CHRM5: variants seen among roughly 807,000 people sequenced by gnomAD.
CHRM5 encodes the protein cholinergic receptor muscarinic 5.
In CHRM5, 18 loss-of-function variants were observed where a neutral mutation model predicts 39.0. The observed-to-expected ratio is 0.46, with a 90% CI of 0.32 to 0.68. The LOEUF is 0.68. CHRM5 is among the 30% of genes least tolerant of loss of function. The probability of loss-of-function intolerance (pLI) is 0.04; values close to 1 mark genes in which losing one functional copy is unlikely to be tolerated. For missense variants in CHRM5, 515 were observed against 651.1 expected (o/e 0.79, Z 2.28); for synonymous variants, 241 against 246.3 (o/e 0.98, Z 0.20).
chr15:34,013,177 T>TGAGAC (rs1897710583), intron 1 of CHRM5, among the ~76,000 whole-genome samples: 2 of 152,100 alleles, frequency 1.3e-5, no homozygotes, highest in African/African-American at 2.4e-5. Context: ...TTCTCATGTC[T>TGAGAC]CAGCCTCCTG....
At chr15:33,977,031 C>T (rs1470172690) in intron 1 of CHRM5, among the ~76,000 whole-genome samples, 1 of 152,056 alleles carries the variant, frequency 6.6e-6, no homozygotes, top group Non-Finnish European at 1.5e-5. Flanking sequence ...GTCACAATGG[C>T]ATGAATTAGT....
At chr15:34,024,190 A>G (rs1488769491) in intron 1 of CHRM5, among the ~76,000 whole-genome samples, 1 of 152,208 alleles carries the variant, frequency 6.6e-6, no homozygotes, top group Non-Finnish European at 1.5e-5. Context: ...GACCAATTCC[A>G]TGCACCCATG....
chr15:33,994,200 T>C (rs1896844299), intron 1 of CHRM5, among the ~76,000 whole-genome samples: 1 of 152,220 alleles, frequency 6.6e-6, no homozygotes, highest in South Asian at 2.1e-4. Context: ...CATTAGTGCC[T>C]GAGCGCCACC....
Position 34,047,599 on chromosome 15 carries a change from C to T in CHRM5, c.-76+728C>T, listed in dbSNP as rs534483972. 8.5e-5 allele frequency among the ~76,000 whole-genome samples: 13 copies of T among 152,204 alleles called. No homozygotes were observed. In the East Asian group the frequency reaches 2.5e-3, roughly 29 times the overall value. Reference sequence around the variant, plus strand: ...GCCTGAGAGAGAATTGAGCTCCCAGCGGGAGGATGACTGTTACCTCTGTGG... The same window carrying T: ...GCCTGAGAGAGAATTGAGCTCCCAGTGGGAGGATGACTGTTACCTCTGTGG... On this transcript the variant is annotated intron_variant, in intron 2 of 2. Transcript: ENST00000383263.
chr15:34,053,551 C>T (rs1443734888), intron 2 of CHRM5, among the ~76,000 whole-genome samples: 3 of 151,712 alleles, frequency 2.0e-5, no homozygotes, highest in Non-Finnish European at 4.4e-5. Flanking sequence ...TGATCTTTGA[C>T]AAACCTAACA....
At chr15:33,974,739 G>A (rs781444254) in intron 1 of CHRM5, among the ~76,000 whole-genome samples, 3 of 152,200 alleles carry the variant, frequency 2.0e-5, no homozygotes, top group Non-Finnish European at 4.4e-5. Flanking sequence ...TTGGGAGGCC[G>A]AGGCAGGTGG....
chr15:34,037,605 A>G (rs1439211136), intron 1 of CHRM5, among the ~76,000 whole-genome samples: 1 of 150,546 alleles, frequency 6.6e-6, no homozygotes, highest in Non-Finnish European at 1.5e-5. Context: ...AGTGGGCACT[A>G]GGTTGGTCTT....
chr15:34,010,637 A>G (rs951671416), intron 1 of CHRM5, among the ~76,000 whole-genome samples: 1 of 152,238 alleles, frequency 6.6e-6, no homozygotes, highest in Non-Finnish European at 1.5e-5. Flanking sequence ...ATTATATCAT[A>G]GAGGTGAATA....
chr15:34,008,224 C>T (rs977501366), intron 1 of CHRM5, among the ~76,000 whole-genome samples: 1 of 151,834 alleles, frequency 6.6e-6, no homozygotes, highest in African/African-American at 2.4e-5. Flanking sequence ...AGTTCAAGAC[C>T]AGCCTAGGCA....
chr15:34,010,061 A>C lies in CHRM5; in HGVS notation c.-407-36479A>C, dbSNP rs1395043500. On this transcript the variant is annotated intron_variant, in intron 1 of 2. Coordinates refer to ENST00000383263, the MANE Select transcript of CHRM5 (RefSeq NM_012125.4). ...ATGAAGCAAAAACTGACAGAATAGA[A>C]GGGAGAATAGAAAGTTTAACAATAA... Among the ~76,000 whole-genome samples, 3 of 152,302 alleles carry C rather than the reference A, an allele frequency of 2.0e-5. No individual in the cohort carries two copies. The East Asian group carries it at 5.8e-4, about 29-fold the overall frequency.
intron 1 of CHRM5, among the ~76,000 whole-genome samples, chr15:33,971,257 T>C (rs934989889): frequency 6.6e-6 from 1 of 152,076 alleles, no homozygotes; most frequent in Admixed American, 6.6e-5. Flanking sequence ...TACTTGTTTC[T>C]GCAATTTAGA....
intron 1 of CHRM5, among the ~76,000 whole-genome samples, chr15:33,989,450 TA>T (rs568555472): frequency 0.043 from 6,080 of 142,256 alleles, 307 homozygotes; most frequent in African/African-American, 0.13. Flanking sequence ...GTTTGGAGTT[TA>T]AAAAAAAAAA....
intron 2 of CHRM5, among the ~76,000 whole-genome samples, chr15:34,048,199 C>G (rs895120695): frequency 6.6e-6 from 1 of 152,242 alleles, no homozygotes; most frequent in Non-Finnish European, 1.5e-5. Flanking sequence ...AAGCAGGACC[C>G]GGATCCATTC....
intron 1 of CHRM5, among the ~76,000 whole-genome samples, chr15:34,016,008 G>A (rs1430440610): frequency 1.3e-5 from 2 of 152,206 alleles, no homozygotes; most frequent in East Asian, 1.9e-4. Context: ...TGGGCGCGGT[G>A]GCTCATGCCT....
At chr15:34,054,032 A>C (rs1471521675) in intron 2 of CHRM5, among the ~76,000 whole-genome samples, 1 of 152,140 alleles carries the variant, frequency 6.6e-6, no homozygotes, top group African/African-American at 2.4e-5. Flanking sequence ...ATGAACAAAC[A>C]CTTCTCAAAA....
intron 1 of CHRM5, among the ~76,000 whole-genome samples, chr15:34,041,701 T>C (rs1899481848): frequency 6.6e-6 from 1 of 152,218 alleles, no homozygotes; most frequent in Non-Finnish European, 1.5e-5. Context: ...CTGATACTAT[T>C]CTAAGCACTT....
Position 34,065,038 on chromosome 15 carries a change from A to C in CHRM5, c.*722A>C, listed in dbSNP as rs1437828396. ...GAAGGACTGAAACCTGGTCATACCC[A>C]GTCCTTTCAAGGGGCCTCTTTTCTA... On this transcript the variant is annotated 3_prime_UTR_variant, in exon 3 of 3. Transcript: ENST00000383263. 2.4e-5 allele frequency: 4 copies of C among 167,018 alleles called. No individual in the cohort carries two copies. Among genetic ancestry groups the C allele is most frequent in the African/African-American group, 9.6e-5 (4 of 41,456 alleles). 10.3% of individuals were successfully genotyped at this position (167,018 alleles called of 1,614,324 possible). A position where few individuals can be genotyped will look rare whatever the true frequency, so the allele number is the denominator to read the frequency against.
chr15:34,011,331 C>T (rs187233198), intron 1 of CHRM5, among the ~76,000 whole-genome samples: 134 of 152,052 alleles, frequency 8.8e-4, no homozygotes, highest in Non-Finnish European at 1.3e-3. Context: ...CAAAAAAGGG[C>T]GTTTCCATTT....
Position 34,063,505 on chromosome 15 carries a change from A to T in CHRM5, c.788A>T (p.Gln263Leu). 1.2e-6 allele frequency: 2 copies of T among 1,613,768 alleles called. No homozygotes were observed. The highest frequency in any genetic ancestry group is 1.7e-6 in the Non-Finnish European group (2 of 1,180,026). ...CLRCPRPTLA[Q>L]RERNQASWSS... ...CGCTGTCCTCGACCCACCCTGGCCC[A>T]GCGGGAAAGGAACCAGGCCTCCTGG... Residue 263 changes from glutamine to leucine, a missense_variant, in exon 3 of 3, where the codon CAG becomes CTG. Coordinates refer to ENST00000383263, the MANE Select transcript of CHRM5 (RefSeq NM_012125.4). This position sits in a 1 kb window ranked among gnomAD's most constrained non-coding sequence, Gnocchi z 4.1.
Sources: allele counts gnomAD v4.1 joint callset (sites outside exome capture counted in the v4.1 genomes callset), GRCh38; gene constraint gnomAD v4.1.1; non-coding constraint Gnocchi (gnomAD v3.1); transcripts MANE v1.5; gene names NCBI Gene and HGNC (gene_info 2026-07-23, HGNC 2026-07-21).